The following HGSNAT variants were observed in gnomAD, a reference collection of about 807,000 sequenced individuals.
HGSNAT encodes the protein transmembrane protein 76.
In HGSNAT, 59 loss-of-function variants were observed where a neutral mutation model predicts 85.2. That is an observed-to-expected ratio of 0.69 (90% CI 0.56 to 0.86). The LOEUF (loss-of-function observed/expected upper bound fraction) is 0.86, where lower values mean the gene tolerates loss of function less well. HGSNAT is among the 40% of genes least tolerant of loss of function. The pLI is 0.00. For synonymous variants in HGSNAT, 321 were observed against 304.5 expected, an observed-to-expected ratio of 1.05 and a Z score of -0.56; for missense variants, 756 against 777.1, an observed-to-expected ratio of 0.97 and a Z score of 0.32.
chr8:43,161,026 C>T (rs568212241), intron 4 of HGSNAT, among the ~76,000 whole-genome samples: 2 of 152,310 alleles, frequency 1.3e-5, no homozygotes, highest in African/African-American at 4.8e-5. Flanking sequence ...TGAGGAGGCA[C>T]ACAGTGTCAG....
Position 43,182,174 on chromosome 8 carries a change from G to T in HGSNAT, c.1042G>T (p.Val348Leu). 5 of 1,614,030 alleles carry T rather than the reference G, an allele frequency of 3.1e-6. No individual in the cohort carries two copies. The highest frequency in any genetic ancestry group is 4.2e-6 in the Non-Finnish European group (5 of 1,179,882). Residue 348 changes from valine (V) to leucine (L), a missense_variant, in exon 11 of 18, where the codon GTG (valine) becomes TTG (leucine). Physicochemically the swap from Val to Leu is conservative, Grantham distance 32 (BLOSUM62 1). Coordinates refer to ENST00000379644, the MANE Select transcript of HGSNAT (RefSeq NM_152419.3). ...TTGGGACAAGGTGCGCATTCCTGGT[G>T]TGCTGCAGCGATTGGGAGTGACATA... is the stretch of plus-strand genomic sequence containing the variant. ...LSWDKVRIPGVLQRLGVTYFV... is the reference protein window; with the variant it reads ...LSWDKVRIPGLLQRLGVTYFV...
intron 13 of HGSNAT, among the ~76,000 whole-genome samples, chr8:43,192,998 C>A (rs1804593106): frequency 6.6e-6 from 1 of 152,176 alleles, no homozygotes; most frequent in Non-Finnish European, 1.5e-5. Context: ...AGCAAAGGCC[C>A]CAGCCAATCT....
At chr8:43,178,021 T>C (rs1258478021) in intron 9 of HGSNAT, 53 bp from the exon 10 acceptor site, 2 of 1,447,568 alleles carry the variant, frequency 1.4e-6, no homozygotes, top group South Asian at 1.1e-5. Flanking sequence ...GTTACTGATA[T>C]ATAGACAAAA....
Position 43,140,585 on chromosome 8 carries a change from G to A in HGSNAT, c.89G>A (p.Gly30Glu), listed in dbSNP as rs1490698793. 5.7e-6 allele frequency: 7 copies of A among 1,233,578 alleles called. No individual in the cohort carries two copies. Among genetic ancestry groups the A allele is most frequent in the Non-Finnish European group, 6.1e-6 (6 of 980,484 alleles). 76.4% of individuals were successfully genotyped at this position (1,233,578 alleles called of 1,614,324 possible). A position where few individuals can be genotyped will look rare whatever the true frequency, so the allele number is the denominator to read the frequency against. ...CTGCTGGCCCCCGGCGGCTCTTCGG[G>A]GCGCGATGCCCAGGCCGCGCCGCCA... The part of the protein sequence containing the change: ...AALLAPGGSS[G>E]RDAQAAPPRD... The change falls in exon 1 of 18, where the codon GGG (glycine) becomes GAG (glutamate). Residue 30 changes from glycine to glutamate, a missense_variant. By Grantham distance (98) the Gly-to-Glu change is moderately conservative (BLOSUM62 -2). Transcript: ENST00000379644.
At position 43,192,442 on chromosome 8, in the gene HGSNAT, T is replaced by C. The variant is rs1804572395; in HGVS notation, c.1377+12T>C. On this transcript the variant is annotated intron_variant, in intron 13 of 17. Transcript: ENST00000379644. ...ACCCATCTTCTGCTGTGAGTGAGAC[T>C]CGAGTTCGCTTAGAACTGGAACTCA... 1.3e-6 allele frequency: 2 copies of C among 1,599,806 alleles called. No individual in the cohort carries two copies. Among genetic ancestry groups the C allele is most frequent in the Non-Finnish European group, 1.7e-6 (2 of 1,172,452 alleles).
Position 43,159,134 on chromosome 8 carries a change from C to T in HGSNAT, c.493+90C>T, listed in dbSNP as rs138131314. The stretch of plus-strand genomic sequence containing the variant: ...GTTTGTAAAGCAAAGCAGTCCATGA[C>T]GCTTTCTGTAGTTGAAAACCTAAAT... On this transcript the variant is annotated intron_variant, in intron 4 of 17. Coordinates refer to ENST00000379644, the MANE Select transcript of HGSNAT (RefSeq NM_152419.3). 1.1e-3 allele frequency: 1,499 copies of T among 1,353,734 alleles called. 10 individuals carry two copies. The African/African-American group carries it at 0.019, about 17-fold the overall frequency. 83.9% of individuals were successfully genotyped at this position (1,353,734 alleles called of 1,614,324 possible).
At position 43,199,371 on chromosome 8, in the gene HGSNAT, A is replaced by T. The variant is rs780686580; in HGVS notation, c.1727-17A>T. 2 of 1,539,614 alleles carry T rather than the reference A, an allele frequency of 1.3e-6. No homozygotes were observed. The highest frequency in any genetic ancestry group is 3.7e-5 in the Admixed American group (2 of 54,336). ...ATCTGTGAGAAACATGATCTTCTGT[A>T]TGTCTCTCTCCTTAAGGAATGAATT... is the stretch of plus-strand genomic sequence containing the variant. On this transcript the variant is annotated splice_polypyrimidine_tract_variant and intron_variant, in intron 17 of 17. Coordinates refer to ENST00000379644, the MANE Select transcript of HGSNAT (RefSeq NM_152419.3).
At chr8:43,184,701 A>G (rs2130789209) in intron 11 of HGSNAT, among the ~76,000 whole-genome samples, 1 of 152,294 alleles carries the variant, frequency 6.6e-6, no homozygotes, top group Middle Eastern at 3.4e-3. Context: ...TTAGACGTGA[A>G]GTCCTTGCCC....
intron 4 of HGSNAT, 22 bp from the exon 5 acceptor site, chr8:43,161,416 G>T (rs879116038): frequency 1.2e-6 from 2 of 1,602,516 alleles, no homozygotes; most frequent in East Asian, 4.5e-5. Flanking sequence ...GGGGGCTAAT[G>T]TGTTTTCTTC....
At chr8:43,178,027 C>A (rs751421896) in intron 9 of HGSNAT, 47 bp from the exon 10 acceptor site, 3 of 1,519,514 alleles carry the variant, frequency 2.0e-6, no homozygotes, top group Non-Finnish European at 2.7e-6. Context: ...GATATATAGA[C>A]AAAAAATTTG....
chr8:43,191,605 C>A lies in HGSNAT; in HGVS notation c.1250+10C>A. 1 of 1,613,404 alleles carries A rather than the reference C, an allele frequency of 6.2e-7. No homozygotes were observed. The highest frequency in any genetic ancestry group is 8.5e-7 in the Non-Finnish European group (1 of 1,179,472). On this transcript the variant is annotated intron_variant, in intron 12 of 17. Coordinates refer to ENST00000379644, the MANE Select transcript of HGSNAT (RefSeq NM_152419.3). ...TCCCTGGGTGCCCTACGTAAGCGAA[C>A]CCCTGGGGGTCATCCCTTGTGCATG...
At chr8:43,186,486 T>A (rs1338686072) in intron 11 of HGSNAT, among the ~76,000 whole-genome samples, 2 of 152,190 alleles carry the variant, frequency 1.3e-5, no homozygotes, top group African/African-American at 2.4e-5. Context: ...GGTGGTGATA[T>A]CACCCTTATC....
chr8:43,168,396 T>TC (rs1279145946), intron 5 of HGSNAT, among the ~76,000 whole-genome samples: 1 of 132,424 alleles, frequency 7.6e-6, no homozygotes, highest in Non-Finnish European at 1.6e-5. Context: ...TTTTTTTTTT[T>TC]TTTTTTTTTT....
intron 4 of HGSNAT, among the ~76,000 whole-genome samples, chr8:43,161,029 A>G (rs1465352588): frequency 2.0e-5 from 3 of 152,224 alleles, no homozygotes; most frequent in South Asian, 2.1e-4. Flanking sequence ...GGAGGCACAC[A>G]GTGTCAGGCT....
intron 8 of HGSNAT, among the ~76,000 whole-genome samples, 176 bp from the exon 9 acceptor site, chr8:43,173,537 T>G (rs921577455): frequency 2.0e-5 from 3 of 152,152 alleles, no homozygotes; most frequent in African/African-American, 7.2e-5. Flanking sequence ...CTCGAACTCC[T>G]GACCTCAGGT....
At chr8:43,192,028 A>C (rs537569699) in intron 12 of HGSNAT, among the ~76,000 whole-genome samples, 2 of 152,226 alleles carry the variant, frequency 1.3e-5, no homozygotes, top group South Asian at 4.1e-4. Context: ...TCCCAGGTTC[A>C]AGCGATTCTC....
intron 14 of HGSNAT, chr8:43,196,084 A>T: frequency 3.8e-6 from 1 of 264,370 alleles, no homozygotes; most frequent in Non-Finnish European, 7.5e-6. Flanking sequence ...ACCTGGAGCC[A>T]CGCTCCCTGG....
At chr8:43,174,697 A>G (rs1454615420) in intron 9 of HGSNAT, among the ~76,000 whole-genome samples, 7 of 152,232 alleles carry the variant, frequency 4.6e-5, no homozygotes, top group Admixed American at 4.6e-4. Context: ...CAGGCATACA[A>G]TGTGTAATAA....
chr8:43,177,273 A>G, intron 9 of HGSNAT, among the ~76,000 whole-genome samples: 1 of 151,962 alleles, frequency 6.6e-6, no homozygotes, highest in Non-Finnish European at 1.5e-5. Context: ...ATTTAGGGCC[A>G]GGTGTGGTGG....
Sources: allele counts gnomAD v4.1 joint callset (sites outside exome capture counted in the v4.1 genomes callset), GRCh38; gene constraint gnomAD v4.1.1; transcripts MANE v1.5; gene names NCBI Gene and HGNC (gene_info 2026-07-23, HGNC 2026-07-21).